Variants in RNF8 observed in about 807,000 individuals in gnomAD.
RNF8 encodes the protein E3 ubiquitin-protein ligase RNF8.
Under a neutral mutation model 59.3 loss-of-function variants are expected in RNF8, and 8 were observed. The ratio of observed to expected loss-of-function variants is 0.13; its 90% CI spans 0.08 to 0.24. The LOEUF (loss-of-function observed/expected upper bound fraction) is 0.24, where lower values mean the gene tolerates loss of function less well. RNF8 is among the 10% of genes least tolerant of loss of function. The pLI, the probability that RNF8 is intolerant of heterozygous loss-of-function variation, is 1.00. For synonymous variants in RNF8, 162 were observed against 200.0 expected, an observed-to-expected ratio of 0.81 and a Z score of 1.60; for missense variants, 406 against 572.6, an observed-to-expected ratio of 0.71 and a Z score of 2.97.
rs9470561 is a variant in RNF8, at chr6:37,363,720, T to C, written c.240+3146T>C. On this transcript the variant is annotated intron_variant, in intron 2 of 7. Coordinates refer to ENST00000373479, the MANE Select transcript of RNF8 (RefSeq NM_003958.4). Reference sequence around the variant, plus strand: ...TGGCATTATTCATTAAAGTTGAACATACATATAGCTCTTGACACAGTATTT... The same window carrying C: ...TGGCATTATTCATTAAAGTTGAACACACATATAGCTCTTGACACAGTATTT... Among the ~76,000 whole-genome samples, 537 of 152,286 alleles carry C rather than the reference T, an allele frequency of 3.5e-3. 1 individual carries two copies. Among genetic ancestry groups the C allele is most frequent in the African/African-American group, 0.011 (473 of 41,550 alleles).
intron 7 of RNF8, 72 bp from the exon 8 acceptor site, chr6:37,390,670 C>A: frequency 8.7e-7 from 1 of 1,144,850 alleles, no homozygotes; most frequent in Non-Finnish European, 1.3e-6. Context: ...GGTGGCGAGG[C>A]TGGAAGCAGG....
chr6:37,372,700 T>C (rs1037170971), intron 4 of RNF8, among the ~76,000 whole-genome samples: 2 of 152,218 alleles, frequency 1.3e-5, no homozygotes, highest in African/African-American at 4.8e-5. Flanking sequence ...CCGGGCACGG[T>C]GGCTCACGCC....
chr6:37,357,862 A>G (rs1242970295), intron 1 of RNF8, among the ~76,000 whole-genome samples: 1 of 152,240 alleles, frequency 6.6e-6, no homozygotes, highest in Non-Finnish European at 1.5e-5. Flanking sequence ...TTAACTGAAC[A>G]CTATGCCAGG....
rs1008332498 is a variant in RNF8 at position 37,367,529 on chromosome 6, A to T, written c.241-955A>T. ...AGTAATTCTCATGCCTTGGCCTCCC[A>T]AGTAGCTGGGATTACAGGCACCCAC... is the stretch of plus-strand genomic sequence containing the variant. On this transcript the variant is annotated intron_variant, in intron 2 of 7. Coordinates refer to ENST00000373479, the MANE Select transcript of RNF8 (RefSeq NM_003958.4). Among the ~76,000 whole-genome samples, 3 of 152,066 alleles carry T rather than the reference A, an allele frequency of 2.0e-5. No individual in the cohort carries two copies. In the East Asian group the frequency reaches 5.8e-4, roughly 29 times the overall value.
chr6:37,360,678 C>T lies in RNF8; in HGVS notation c.240+104C>T, dbSNP rs370311799. Reference sequence around the variant, plus strand: ...GGTATAAAATTCAAAAGTATAACTTCTTCTTTCCTAGCCATCCAGTTCCCT... The same window carrying T: ...GGTATAAAATTCAAAAGTATAACTTTTTCTTTCCTAGCCATCCAGTTCCCT... On this transcript the variant is annotated intron_variant, in intron 2 of 7. Coordinates refer to ENST00000373479, the MANE Select transcript of RNF8 (RefSeq NM_003958.4). This position sits in a 1 kb window ranked among gnomAD's most constrained non-coding sequence, Gnocchi z 4.2. 48 of 1,174,356 alleles carry T rather than the reference C, an allele frequency of 4.1e-5. 3 individuals are homozygous for T. In the African/African-American group the frequency reaches 4.7e-4, roughly 11 times the overall value. 72.7% of individuals were successfully genotyped at this position (1,174,356 alleles called of 1,614,324 possible).
At chr6:37,361,544 A>G in intron 2 of RNF8, 8 of 351,142 alleles carry the variant, frequency 2.3e-5, no homozygotes, top group South Asian at 1.7e-4. Context: ...ATGTGATGAA[A>G]ATACAGACTA....
chr6:37,387,611 G>A (rs1770565563), intron 7 of RNF8, among the ~76,000 whole-genome samples: 1 of 152,118 alleles, frequency 6.6e-6, no homozygotes, highest in African/African-American at 2.4e-5. Context: ...CACAGCGCTG[G>A]GGTTATAGGC....
At chr6:37,389,443 C>A (rs958852274) in intron 7 of RNF8, among the ~76,000 whole-genome samples, 4 of 151,616 alleles carry the variant, frequency 2.6e-5, no homozygotes, top group African/African-American at 9.7e-5. Flanking sequence ...GGGAGGACCA[C>A]CACCAAAAGA....
At chr6:37,355,663 G>A (rs1769085594) in intron 1 of RNF8, among the ~76,000 whole-genome samples, 1 of 152,132 alleles carries the variant, frequency 6.6e-6, no homozygotes, top group Non-Finnish European at 1.5e-5. Context: ...GTTATAAAGG[G>A]TTACTTGTAT....
At chr6:37,371,645 T>C in intron 4 of RNF8, 71 bp downstream of exon 4, 1 of 1,257,794 alleles carries the variant, frequency 8.0e-7, no homozygotes, top group Non-Finnish European at 1.2e-6. Context: ...ACATGACCAC[T>C]GGCTGCCTCT....
At chr6:37,359,319 T>C in intron 1 of RNF8, 1 of 392,114 alleles carries the variant, frequency 2.6e-6, no homozygotes, top group Non-Finnish European at 5.0e-6. Flanking sequence ...CAAAGACTTT[T>C]GGTTGAATTA....
At chr6:37,361,018 C>T (rs1221085494) in intron 2 of RNF8, among the ~76,000 whole-genome samples, 1 of 152,140 alleles carries the variant, frequency 6.6e-6, no homozygotes, top group East Asian at 1.9e-4. Flanking sequence ...TCTGAGCAAC[C>T]TCCCCTGGCC....
intron 2 of RNF8, among the ~76,000 whole-genome samples, chr6:37,366,793 G>C (rs1321348931): frequency 6.6e-6 from 1 of 152,124 alleles, no homozygotes; most frequent in Non-Finnish European, 1.5e-5. Context: ...CTTCATCTCT[G>C]GCCTATCCCC....
chr6:37,384,005 G>A (rs899345027), intron 7 of RNF8, among the ~76,000 whole-genome samples: 19 of 151,872 alleles, frequency 1.3e-4, no homozygotes, highest in African/African-American at 3.9e-4. Flanking sequence ...TTTTCCTAGC[G>A]GTTTCTTTGG....
At chr6:37,363,672 T>C (rs1263404489) in intron 2 of RNF8, among the ~76,000 whole-genome samples, 10 of 151,462 alleles carry the variant, frequency 6.6e-5, no homozygotes, top group Admixed American at 6.6e-4. Flanking sequence ...GGAGTGTAAA[T>C]TGGTACAATT....
chr6:37,354,017 G>T lies in RNF8; in HGVS notation c.-148G>T. 1 of 727,602 alleles carries T rather than the reference G, an allele frequency of 1.4e-6. No individual in the cohort carries two copies. The highest frequency in any genetic ancestry group is 2.3e-6 in the Non-Finnish European group (1 of 431,942). 45.1% of individuals were successfully genotyped at this position (727,602 alleles called of 1,614,324 possible). A position where few individuals can be genotyped will look rare whatever the true frequency, so the allele number is the denominator to read the frequency against. On this transcript the variant is annotated 5_prime_UTR_variant, in exon 1 of 8. Coordinates refer to ENST00000373479, the MANE Select transcript of RNF8 (RefSeq NM_003958.4). Reference sequence around the variant, plus strand: ...CTGCTTCCTGGCCGAGGGCGGGCGAGCGGAGCCTGCTTTCGCAGCGATCGC... The same window carrying T: ...CTGCTTCCTGGCCGAGGGCGGGCGATCGGAGCCTGCTTTCGCAGCGATCGC...
At position 37,390,906 on chromosome 6, in the gene RNF8, C is replaced by T. The variant is rs1041695614; in HGVS notation, c.*148C>T. ...AGACTTGAGTTAGGAAGCCCTCAGTCACTTGCCTTCCACGGTGGCCAGCCC... is the reference window on the plus strand; with the variant it reads ...AGACTTGAGTTAGGAAGCCCTCAGTTACTTGCCTTCCACGGTGGCCAGCCC... On this transcript the variant is annotated 3_prime_UTR_variant, in exon 8 of 8. Transcript: ENST00000373479. 2.9e-6 allele frequency: 4 copies of T among 1,383,712 alleles called. No individual in the cohort carries two copies. Among genetic ancestry groups the T allele is most frequent in the Non-Finnish European group, 4.1e-6 (4 of 972,716 alleles). 85.7% of individuals were successfully genotyped at this position (1,383,712 alleles called of 1,614,324 possible). A position where few individuals can be genotyped will look rare whatever the true frequency, so the allele number is the denominator to read the frequency against.
chr6:37,367,693 C>T (rs1443631886), intron 2 of RNF8, among the ~76,000 whole-genome samples: 1 of 152,198 alleles, frequency 6.6e-6, no homozygotes, highest in Admixed American at 6.5e-5. Context: ...TGTAAGCTGC[C>T]ACTCCCAGAC....
intron 3 of RNF8, chr6:37,370,152 G>C (rs901166498): frequency 6.6e-6 from 1 of 152,192 alleles, no homozygotes; most frequent in Admixed American, 6.5e-5. Context: ...GGGTTGCTCA[G>C]GGTAAGGAAC....
Sources: gnomAD v4.1 joint callset for allele counts (sites outside exome capture counted in the v4.1 genomes callset) on GRCh38, gnomAD v4.1.1 for gene constraint, Gnocchi (gnomAD v3.1) non-coding constraint, MANE v1.5 for transcripts, NCBI Gene and HGNC (gene_info 2026-07-23, HGNC 2026-07-21) for gene names.